The following TRPC6 variants were observed in gnomAD, a reference collection of about 807,000 sequenced individuals.
The protein encoded by TRPC6 is transient receptor potential cation channel subfamily C member 6.
TRPC6 carries 55 observed loss-of-function variants against 90.7 expected under a neutral mutation model. The observed-to-expected ratio is 0.61, with a 90% CI of 0.49 to 0.76. The LOEUF is 0.76. Ranked by LOEUF, TRPC6 falls within the 30% of genes least tolerant of loss-of-function variation. TRPC6 has a pLI of 0.00. For missense variants in TRPC6, 989 were observed against 1,122.7 expected (o/e 0.88, Z 1.70); for synonymous variants, 393 against 393.0 (o/e 1.00, Z 0.00).
intron 1 of TRPC6, among the ~76,000 whole-genome samples, chr11:101,579,736 T>C (rs536466997): frequency 2.0e-5 from 3 of 152,340 alleles, no homozygotes; most frequent in Admixed American, 1.3e-4. Context: ...CTGTTCTCAC[T>C]GTATGCTGGT....
chr11:101,547,978 A>G lies in TRPC6; in HGVS notation c.170+35356T>C, dbSNP rs557450998. ...ATATGCTGCAAATATATTCACACAT[A>G]CTTCTCACATATAAACTGTATCCAG... On this transcript the variant is annotated intron_variant, in intron 1 of 12. Transcript: ENST00000344327. Among the ~76,000 whole-genome samples, 67 of 152,202 alleles carry G rather than the reference A, an allele frequency of 4.4e-4. 1 individual carries two copies. The South Asian group carries it at 8.9e-3, about 20-fold the overall frequency.
chr11:101,465,091 T>C (rs188326552), intron 10 of TRPC6, among the ~76,000 whole-genome samples: 35 of 152,324 alleles, frequency 2.3e-4, no homozygotes, highest in African/African-American at 7.2e-4. Flanking sequence ...CAAATTATTT[T>C]CTTTAAGGAT....
chr11:101,469,701 G>A (rs1353759456), intron 9 of TRPC6, among the ~76,000 whole-genome samples, 200 bp from the exon 10 acceptor site: 1 of 152,108 alleles, frequency 6.6e-6, no homozygotes, highest in East Asian at 1.9e-4. Flanking sequence ...GTTCTAACCA[G>A]ACCTGTAAAC....
chr11:101,465,865 AGGC>A, intron 10 of TRPC6, among the ~76,000 whole-genome samples: 1 of 152,220 alleles, frequency 6.6e-6, no homozygotes, highest in East Asian at 1.9e-4. Flanking sequence ...GGAGGTGAAG[AGGC>A]ATTCTGGTTT....
chr11:101,564,373 A>G (rs540013344), intron 1 of TRPC6, among the ~76,000 whole-genome samples: 2 of 152,158 alleles, frequency 1.3e-5, no homozygotes, highest in African/African-American at 4.8e-5. Flanking sequence ...TTTCCATGGA[A>G]TTTTTGAGCT....
chr11:101,528,757 A>T (rs1362021492), intron 1 of TRPC6, among the ~76,000 whole-genome samples: 3 of 152,172 alleles, frequency 2.0e-5, no homozygotes, highest in Non-Finnish European at 2.9e-5. Context: ...TAATTGCACC[A>T]ATAAAAATTC....
chr11:101,489,322 T>C (rs1859749390), intron 3 of TRPC6, among the ~76,000 whole-genome samples: 1 of 152,242 alleles, frequency 6.6e-6, no homozygotes, highest in African/African-American at 2.4e-5. Flanking sequence ...TTTTCCTTTA[T>C]GACAAACAAG....
chr11:101,503,016 G>T (rs1440836603), intron 2 of TRPC6, among the ~76,000 whole-genome samples: 2 of 152,184 alleles, frequency 1.3e-5, no homozygotes, highest in African/African-American at 4.8e-5. Flanking sequence ...TGTACTTGAT[G>T]AATCAAACCT....
Position 101,476,394 on chromosome 11 carries a change from CATGCCAAA to C in TRPC6, c.1643_1650del (p.Phe548CysfsTer9). 1 of 1,614,060 alleles carries C rather than the reference CATGCCAAA, an allele frequency of 6.2e-7. No homozygotes were observed. The highest frequency in any genetic ancestry group is 8.5e-7 in the Non-Finnish European group (1 of 1,179,982). ...TCAATGATGCTCTGGGCTTTGGAAG[CATGCCAAA>C]ATGCCATGAATCTCGCAATGAATGA... On this transcript the variant is annotated frameshift_variant, in exon 6 of 13. Transcript: ENST00000344327. LOFTEE classifies it high-confidence loss of function.
chr11:101,463,863 G>T (rs1859069142), intron 10 of TRPC6, among the ~76,000 whole-genome samples: 1 of 152,014 alleles, frequency 6.6e-6, no homozygotes, highest in Non-Finnish European at 1.5e-5. Context: ...GAATTTGTTT[G>T]CTCTTGTTTC....
intron 2 of TRPC6, among the ~76,000 whole-genome samples, chr11:101,499,723 GTGTATATGTGTATATATATA>G (rs1860053235): frequency 1.3e-4 from 4 of 30,314 alleles, no homozygotes; most frequent in African/African-American, 1.9e-4. Flanking sequence ...ATTTTATATT[GTGTATATGTGTATATATATA>G]TACACAATAT....
chr11:101,572,869 G>T (rs1008618915), intron 1 of TRPC6, among the ~76,000 whole-genome samples: 6 of 152,076 alleles, frequency 3.9e-5, no homozygotes, highest in African/African-American at 1.4e-4. Context: ...GGGGTGAGGG[G>T]CTATGGGACG....
At chr11:101,569,318 C>G (rs1591145389) in intron 1 of TRPC6, among the ~76,000 whole-genome samples, 1 of 152,254 alleles carries the variant, frequency 6.6e-6, no homozygotes, top group East Asian at 1.9e-4. Flanking sequence ...GAAGAGCTAC[C>G]TATCTTAAAT....
intron 1 of TRPC6, among the ~76,000 whole-genome samples, chr11:101,526,739 C>T (rs879747656): frequency 1.3e-5 from 2 of 151,526 alleles, no homozygotes; most frequent in Non-Finnish European, 2.9e-5. Context: ...TGGCGGGTGC[C>T]TGTAATCCCA....
At chr11:101,470,743 T>C (rs1859269085) in intron 9 of TRPC6, among the ~76,000 whole-genome samples, 1 of 151,560 alleles carries the variant, frequency 6.6e-6, no homozygotes, top group African/African-American at 2.4e-5. Context: ...CCAAATTCTA[T>C]GTGAGCAACT....
chr11:101,483,221 A>G, intron 4 of TRPC6, 56 bp from the exon 5 acceptor site: 1 of 1,556,160 alleles, frequency 6.4e-7, no homozygotes, highest in Non-Finnish European at 8.8e-7. Context: ...ACTTTGCAAA[A>G]CACACATACA....
intron 1 of TRPC6, among the ~76,000 whole-genome samples, chr11:101,582,627 C>A (rs1378189772): frequency 2.0e-5 from 3 of 152,080 alleles, no homozygotes; most frequent in Non-Finnish European, 4.4e-5. Flanking sequence ...CCAATACAAA[C>A]GACCCGACGC....
At chr11:101,497,477 A>C (rs1205839323) in intron 2 of TRPC6, among the ~76,000 whole-genome samples, 5 of 152,216 alleles carry the variant, frequency 3.3e-5, no homozygotes, top group Admixed American at 1.3e-4. Context: ...AATATTATAC[A>C]CTAGAACATA....
chr11:101,518,964 C>A (rs1357467037), intron 1 of TRPC6, among the ~76,000 whole-genome samples: 1 of 152,148 alleles, frequency 6.6e-6, no homozygotes, highest in Non-Finnish European at 1.5e-5. Context: ...TGCATGTTCT[C>A]ACTCATCTGT....
Sources: allele counts gnomAD v4.1 joint callset (sites outside exome capture counted in the v4.1 genomes callset), GRCh38; gene constraint gnomAD v4.1.1; transcripts MANE v1.5; gene names NCBI Gene and HGNC (gene_info 2026-07-23, HGNC 2026-07-21).